The following CBLIF variants were observed in gnomAD, a reference collection of about 807,000 sequenced individuals.
CBLIF encodes the protein cobalamin binding intrinsic factor.
In CBLIF, 24 loss-of-function variants were observed where a neutral mutation model predicts 44.9. The ratio of observed to expected loss-of-function variants is 0.53; its 90% CI spans 0.39 to 0.75. The LOEUF (loss-of-function observed/expected upper bound fraction) is 0.75, where lower values mean the gene tolerates loss of function less well. CBLIF is among the 30% of genes least tolerant of loss of function. The probability of loss-of-function intolerance (pLI) is 0.00; values close to 1 mark genes in which losing one functional copy is unlikely to be tolerated. For synonymous variants in CBLIF, 183 were observed against 190.9 expected, an observed-to-expected ratio of 0.96 and a Z score of 0.34; for missense variants, 481 against 513.0, an observed-to-expected ratio of 0.94 and a Z score of 0.60.
At chr11:59,844,917 A>T (rs1220330244) in intron 1 of CBLIF, among the ~76,000 whole-genome samples, 1 of 152,048 alleles carries the variant, frequency 6.6e-6, no homozygotes, top group Non-Finnish European at 1.5e-5. Flanking sequence ...GTGTGATTAT[A>T]GCTCACTGCA....
chr11:59,842,524 G>A lies in CBLIF; in HGVS notation c.430C>T (p.Gln144Ter). The A allele has an allele frequency of 6.2e-7, 1 of 1,613,652 alleles. No homozygotes were observed. Among genetic ancestry groups the A allele is most frequent in the Non-Finnish European group, 8.5e-7 (1 of 1,179,728 alleles). Residue 144 changes from glutamine to a stop codon, truncating the protein, a stop_gained, in exon 4 of 9, where the codon CAG becomes TAG. Transcript: ENST00000257248. LOFTEE classifies it high-confidence loss of function. ...GGCAAGGTCGCCTCAGAGTTCTTCT[G>A]GCACAGTGCCAAGATCGCTAGACTG... ...GPSLAILALCQKNSEATLPIA... is the reference protein window; with the variant it reads ...GPSLAILALC
Position 59,835,851 on chromosome 11 carries a change from G to A in CBLIF, c.1030C>T (p.Leu344Phe). 6.2e-7 allele frequency: 1 copy of A among 1,614,166 alleles called. No individual in the cohort carries two copies. Among genetic ancestry groups the A allele is most frequent in the African/African-American group, 1.3e-5 (1 of 75,052 alleles). ...CGCTGTGCTTCCTCTAGGACAACAAGTAACACTGACCCACTTTTCACACTA... is the reference window on the plus strand; with the variant it reads ...CGCTGTGCTTCCTCTAGGACAACAAATAACACTGACCCACTTTTCACACTA... Reference protein sequence around the residue: ...NVSVKSGSVLLVVLEEAQRKN... With the variant: ...NVSVKSGSVLFVVLEEAQRKN... Residue 344 changes from leucine (L) to phenylalanine (F), a missense_variant, in exon 7 of 9, where the codon CTT becomes TTT. Transcript: ENST00000257248.
rs111251888 is a variant in CBLIF at position 59,833,517 on chromosome 11, CAA to C, written c.1074-1723_1074-1722del. On this transcript the variant is annotated intron_variant, in intron 7 of 8. Coordinates refer to ENST00000257248, the MANE Select transcript of CBLIF (RefSeq NM_005142.3). ...GGGTGACAAGAGCAAAACTCTGTCT[CAA>C]AAAAAAAAAAAAAATTAAATAGTTT... Among the ~76,000 whole-genome samples the C allele has an allele frequency of 6.1e-3, 667 of 108,538 alleles. 8 individuals are homozygous for C. Among genetic ancestry groups the C allele is most frequent in the African/African-American group, 0.02 (631 of 31,778 alleles). The allele number at this position is 108,538 out of a possible 152,430, so 71.2% of individuals were successfully genotyped here.
At chr11:59,831,824 A>T in intron 7 of CBLIF, 28 bp from the exon 8 acceptor site, 1 of 1,023,206 alleles carries the variant, frequency 9.8e-7, no homozygotes, top group Non-Finnish European at 1.6e-6. Context: ...TATGATTAAC[A>T]TCTCACTTTA....
intron 6 of CBLIF, among the ~76,000 whole-genome samples, chr11:59,836,896 C>T (rs57068231): frequency 0.019 from 2,828 of 152,256 alleles, 86 homozygotes; most frequent in African/African-American, 0.063. Context: ...TAGCTGGGAC[C>T]ATGGAGCTTC....
rs777288222 is a variant in CBLIF at position 59,831,721 on chromosome 11, C to G, written c.1149G>C (p.Lys383Asn). The part of the protein sequence containing the change: ...INNIAENVNH[K>N]TYWQFLSGVT... Reference sequence around the variant, plus strand: ...CACCACTAAGAAACTGCCAGTATGTCTTGTGATTAACATTTTCCGCGATAT... The same window carrying G: ...CACCACTAAGAAACTGCCAGTATGTGTTGTGATTAACATTTTCCGCGATAT... The change falls in exon 8 of 9, where the codon AAG (lysine) becomes AAC (asparagine). Residue 383 changes from lysine (K) to asparagine (N), a missense_variant. Transcript: ENST00000257248. 6.2e-7 allele frequency: 1 copy of G among 1,602,282 alleles called. No individual in the cohort carries two copies. Among genetic ancestry groups the G allele is most frequent in the South Asian group, 1.1e-5 (1 of 90,818 alleles).
At chr11:59,838,131 G>A (rs1866478223) in intron 5 of CBLIF, among the ~76,000 whole-genome samples, 1 of 152,118 alleles carries the variant, frequency 6.6e-6, no homozygotes, top group African/African-American at 2.4e-5. Context: ...TTCAGCCCTA[G>A]ACTTCCCAGT....
chr11:59,842,347 A>G (rs1866543409), intron 4 of CBLIF, 96 bp downstream of exon 4: 13 of 1,353,500 alleles, frequency 9.6e-6, no homozygotes, highest in South Asian at 1.2e-5. Flanking sequence ...CTCCTCCTCC[A>G]TGGGACGCTC....
At chr11:59,830,708 C>T (rs1486725501) in intron 8 of CBLIF, among the ~76,000 whole-genome samples, 1 of 151,980 alleles carries the variant, frequency 6.6e-6, no homozygotes, top group Admixed American at 6.6e-5. Context: ...CTTAATCATT[C>T]TAAGTATATT....
chr11:59,839,393 A>G (rs922011728), intron 5 of CBLIF, among the ~76,000 whole-genome samples: 4 of 152,216 alleles, frequency 2.6e-5, no homozygotes, highest in Admixed American at 2.6e-4. Flanking sequence ...ATTGTTAAGC[A>G]TTACATTATG....
Position 59,841,322 on chromosome 11 carries a change from T to C in CBLIF, c.514A>G (p.Thr172Ala), listed in dbSNP as rs761773560. The C allele has an allele frequency of 6.2e-7, 1 of 1,609,230 alleles. No homozygotes were observed. Among genetic ancestry groups the C allele is most frequent in the South Asian group, 1.1e-5 (1 of 90,982 alleles). Reference protein sequence around the residue: ...LANSSPFNVDTGAMATLALTC... With the variant: ...LANSSPFNVDAGAMATLALTC... ...AGAGCCAAGGTTGCCATTGCTCCTG[T>C]GTCTGTGAATGACAGAGGGTATAAG... The change falls in exon 5 of 9, where the codon ACA (threonine) becomes GCA (alanine). Residue 172 changes from threonine to alanine, a missense_variant and splice_region_variant. Thr to Ala is a moderately conservative substitution (Grantham distance 58). Coordinates refer to ENST00000257248, the MANE Select transcript of CBLIF (RefSeq NM_005142.3).
chr11:59,830,739 C>G (rs1866363146), intron 8 of CBLIF, among the ~76,000 whole-genome samples: 1 of 152,082 alleles, frequency 6.6e-6, no homozygotes, highest in South Asian at 2.1e-4. Context: ...CTTACAATAA[C>G]CCAATAAATG....
intron 6 of CBLIF, 64 bp from the exon 7 acceptor site, chr11:59,836,073 C>G (rs888671437): frequency 6.4e-5 from 84 of 1,307,372 alleles, no homozygotes; most frequent in Non-Finnish European, 8.7e-5. Context: ...GGTGCAAAAT[C>G]TCTGTTATTG....
intron 5 of CBLIF, among the ~76,000 whole-genome samples, chr11:59,840,202 T>C (rs1189652309): frequency 6.6e-6 from 1 of 152,122 alleles, no homozygotes; most frequent in African/African-American, 2.4e-5. Flanking sequence ...TCAATACTAG[T>C]CTCCATTGTT....
At chr11:59,838,820 A>G (rs540026194) in intron 5 of CBLIF, among the ~76,000 whole-genome samples, 1 of 151,330 alleles carries the variant, frequency 6.6e-6, no homozygotes, top group African/African-American at 2.4e-5. Context: ...CAAGAAGTTT[A>G]TCAGTTCTCT....
chr11:59,843,001 C>A, intron 3 of CBLIF, 27 bp downstream of exon 3: 2 of 1,348,918 alleles, frequency 1.5e-6, no homozygotes, highest in Non-Finnish European at 2.1e-6. Flanking sequence ...ATGCCTGACT[C>A]TTTTCTCCCT....
Position 59,843,876 on chromosome 11 carries a change from C to T in CBLIF, c.256+3G>A. ...GAGAGTGCGAGCGGCTCAGATGTCTCACCGTTGTTGTCGCTGGACATGAGC... is the reference window on the plus strand; with the variant it reads ...GAGAGTGCGAGCGGCTCAGATGTCTTACCGTTGTTGTCGCTGGACATGAGC... On this transcript the variant is annotated splice_donor_region_variant and intron_variant, in intron 2 of 8. Coordinates refer to ENST00000257248, the MANE Select transcript of CBLIF (RefSeq NM_005142.3). The T allele has an allele frequency of 6.2e-7, 1 of 1,610,096 alleles. No homozygotes were observed. Among genetic ancestry groups the T allele is most frequent in the Non-Finnish European group, 8.5e-7 (1 of 1,176,954 alleles).
chr11:59,837,134 A>C (rs770753646), intron 6 of CBLIF, 40 bp downstream of exon 6: 2 of 1,471,358 alleles, frequency 1.4e-6, no homozygotes, highest in Admixed American at 3.3e-5. Context: ...TTCTGGCATA[A>C]GTTGCTGCTT....
At chr11:59,838,989 T>C (rs1866489429) in intron 5 of CBLIF, among the ~76,000 whole-genome samples, 1 of 151,798 alleles carries the variant, frequency 6.6e-6, no homozygotes, top group South Asian at 2.1e-4. Flanking sequence ...GCTGGGATTA[T>C]AGGTGCCTGC....
Sources: allele counts gnomAD v4.1 joint callset (sites outside exome capture counted in the v4.1 genomes callset), GRCh38; gene constraint gnomAD v4.1.1; transcripts MANE v1.5; gene names NCBI Gene and HGNC (gene_info 2026-07-23, HGNC 2026-07-21).